The following PARPBP variants were observed in gnomAD, a reference collection of about 807,000 sequenced individuals.
PARPBP encodes PCNA-interacting partner.
PARPBP carries 52 observed loss-of-function variants against 50.0 expected under a neutral mutation model. The ratio of observed to expected loss-of-function variants is 1.04; its 90% CI spans 0.83 to 1.31. The LOEUF (loss-of-function observed/expected upper bound fraction) is 1.31, where lower values mean the gene tolerates loss of function less well. Ranked by LOEUF, PARPBP falls within the 50% of genes most tolerant of loss-of-function variation. The pLI, the probability that PARPBP is intolerant of heterozygous loss-of-function variation, is 0.00. For synonymous variants in PARPBP, 244 were observed against 232.1 expected (o/e 1.05, Z -0.47); for missense variants, 697 against 672.0 (o/e 1.04, Z -0.41).
chr12:102,175,691 A>G (rs756756670), intron 7 of PARPBP, 25 bp downstream of exon 7: 2 of 1,469,636 alleles, frequency 1.4e-6, no homozygotes, highest in Admixed American at 3.9e-5. Context: ...ATTTTTCATT[A>G]TCCTTTTATA....
At chr12:102,129,361 T>C (rs1419723428) in intron 2 of PARPBP, among the ~76,000 whole-genome samples, 1 of 152,152 alleles carries the variant, frequency 6.6e-6, no homozygotes, top group Non-Finnish European at 1.5e-5. Flanking sequence ...TAACCTTTTA[T>C]CTGATACATG....
intron 6 of PARPBP, among the ~76,000 whole-genome samples, chr12:102,174,509 A>G (rs528093372): frequency 6.6e-5 from 10 of 152,322 alleles, no homozygotes; most frequent in Admixed American, 1.3e-4. Context: ...CCACTACAAA[A>G]GAGAAATTTA....
chr12:102,169,020 G>A (rs539991656), intron 6 of PARPBP, among the ~76,000 whole-genome samples: 1 of 152,038 alleles, frequency 6.6e-6, no homozygotes, highest in African/African-American at 2.4e-5. Flanking sequence ...GAGTTTATTG[G>A]TTTTCTTCAC....
intron 2 of PARPBP, among the ~76,000 whole-genome samples, chr12:102,125,419 G>T (rs775310025): frequency 6.6e-6 from 1 of 152,162 alleles, no homozygotes; most frequent in Non-Finnish European, 1.5e-5. Context: ...GTCAGGGAAG[G>T]CCTCACCTGG....
At chr12:102,169,680 C>T (rs747364807) in intron 6 of PARPBP, among the ~76,000 whole-genome samples, 2 of 152,120 alleles carry the variant, frequency 1.3e-5, no homozygotes, top group Non-Finnish European at 2.9e-5. Context: ...ATTCTGCCTC[C>T]AGTCTTAAGT....
At position 102,120,213 on chromosome 12, in the gene PARPBP, G is replaced by A. The variant is rs1238463863; in HGVS notation, c.-77G>A. 2 of 222,682 alleles carry A rather than the reference G, an allele frequency of 9.0e-6. No homozygotes were observed. Among genetic ancestry groups the A allele is most frequent in the South Asian group, 4.1e-5 (1 of 24,638 alleles). The allele number at this position is 222,682 out of a possible 1,614,324, so 13.8% of individuals were successfully genotyped here. A position where few individuals can be genotyped will look rare whatever the true frequency, so the allele number is the denominator to read the frequency against. On this transcript the variant is annotated 5_prime_UTR_variant, in exon 1 of 11. Transcript: ENST00000327680. ...CAGCGGCGACAGCGGCGACTGCGGC[G>A]GCCGCGGGAGGGCATCCCGTTGGGG... is the stretch of plus-strand genomic sequence containing the variant.
chr12:102,188,846 G>C (rs1448333709), intron 9 of PARPBP, among the ~76,000 whole-genome samples: 1 of 151,854 alleles, frequency 6.6e-6, no homozygotes, highest in African/African-American at 2.4e-5. Flanking sequence ...CGATGACATA[G>C]AACAAAAAAG....
chr12:102,165,335 A>G (rs1242306757), intron 5 of PARPBP, among the ~76,000 whole-genome samples: 2 of 152,162 alleles, frequency 1.3e-5, no homozygotes, highest in Non-Finnish European at 2.9e-5. Context: ...CCTGTTTAAC[A>G]CAACAGATCA....
intron 4 of PARPBP, among the ~76,000 whole-genome samples, chr12:102,159,866 C>G (rs1887374436): frequency 6.6e-6 from 1 of 152,146 alleles, no homozygotes; most frequent in African/African-American, 2.4e-5. Flanking sequence ...ATATCTGCCT[C>G]TCAGTAAGAA....
chr12:102,175,431 C>A, intron 6 of PARPBP, 52 bp from the exon 7 acceptor site: 1 of 1,154,542 alleles, frequency 8.7e-7, no homozygotes, highest in Non-Finnish European at 1.3e-6. Flanking sequence ...AGTCTATAAG[C>A]ATATTATAAT....
intron 6 of PARPBP, among the ~76,000 whole-genome samples, chr12:102,171,868 C>CA (rs754077504): frequency 0.023 from 2,362 of 100,710 alleles, 35 homozygotes; most frequent in African/African-American, 0.06. Flanking sequence ...GACTCCGCCT[C>CA]AAAAAAAAAA....
intron 1 of PARPBP, among the ~76,000 whole-genome samples, chr12:102,122,040 G>A (rs1358421937): frequency 6.6e-6 from 1 of 152,174 alleles, no homozygotes; most frequent in African/African-American, 2.4e-5. Context: ...ACTTGGCCAA[G>A]ATCTCGCAGC....
At chr12:102,180,072 ATCT>A (rs1269916467) in intron 8 of PARPBP, among the ~76,000 whole-genome samples, 3 of 152,090 alleles carry the variant, frequency 2.0e-5, no homozygotes, top group Non-Finnish European at 4.4e-5. Flanking sequence ...TTAAAATCTC[ATCT>A]TCTTTACCAA....
chr12:102,188,447 C>G (rs1455823562), intron 9 of PARPBP, among the ~76,000 whole-genome samples: 1 of 151,944 alleles, frequency 6.6e-6, no homozygotes, highest in East Asian at 1.9e-4. Flanking sequence ...AGATAAGAAC[C>G]AGAAGTCAAA....
chr12:102,156,251 A>G (rs1402561128), intron 4 of PARPBP, among the ~76,000 whole-genome samples: 1 of 131,576 alleles, frequency 7.6e-6, no homozygotes, highest in Non-Finnish European at 1.5e-5. Context: ...CAGTGGCGCA[A>G]TCTCGGCTCA....
rs573174626 is a variant in PARPBP, at chr12:102,165,307, A to T, written c.667-422A>T. ...GAGAGGCTGAGGTTTGGAAGTGTTA[A>T]ATTGCCCAACCAATTCACCTGTTTA... On this transcript the variant is annotated intron_variant, in intron 5 of 10. Coordinates refer to ENST00000327680, the MANE Select transcript of PARPBP (RefSeq NM_017915.5). Among the ~76,000 whole-genome samples, 5 of 152,276 alleles carry T rather than the reference A, an allele frequency of 3.3e-5. No individual in the cohort carries two copies. In the East Asian group the frequency reaches 9.6e-4, roughly 29 times the overall value.
In PARPBP at chr12:102,197,392, C is replaced by T. The variant is rs1395045496; in HGVS notation, c.*1101C>T. Reference sequence around the variant, plus strand: ...CTGGCATGTAAGAAATATCGTCAGTCGTCCTAATGCATATTGTGACTGTTT... The same window carrying T: ...CTGGCATGTAAGAAATATCGTCAGTTGTCCTAATGCATATTGTGACTGTTT... On this transcript the variant is annotated 3_prime_UTR_variant, in exon 11 of 11. Coordinates refer to ENST00000327680, the MANE Select transcript of PARPBP (RefSeq NM_017915.5). The T allele has an allele frequency of 2.3e-6, 2 of 882,456 alleles. No individual in the cohort carries two copies. Among genetic ancestry groups the T allele is most frequent in the South Asian group, 1.7e-5 (1 of 58,536 alleles). The allele number at this position is 882,456 out of a possible 1,614,324, so 54.7% of individuals were successfully genotyped here.
intron 10 of PARPBP, 87 bp from the exon 11 acceptor site, chr12:102,195,862 AGC>A: frequency 1.3e-6 from 1 of 772,690 alleles, no homozygotes; most frequent in Non-Finnish European, 2.1e-6. Flanking sequence ...AATATTCGTT[AGC>A]CATTTTTAAA....
intron 6 of PARPBP, among the ~76,000 whole-genome samples, chr12:102,166,763 A>G (rs878857706): frequency 1.3e-5 from 2 of 152,100 alleles, no homozygotes; most frequent in East Asian, 1.9e-4. Context: ...ACTTCATTCC[A>G]TTCTAAGATT....
Sources: allele counts gnomAD v4.1 joint callset (sites outside exome capture counted in the v4.1 genomes callset), GRCh38; gene constraint gnomAD v4.1.1; transcripts MANE v1.5; gene names NCBI Gene and HGNC (gene_info 2026-07-23, HGNC 2026-07-21).